Variants in ADGRL2 observed in about 807,000 individuals in gnomAD.
The protein encoded by ADGRL2 is calcium-independent alpha-latrotoxin receptor 2.
In ADGRL2, 44 loss-of-function variants were observed where a neutral mutation model predicts 157.4. The ratio of observed to expected loss-of-function variants is 0.28; its 90% CI spans 0.22 to 0.36. The LOEUF (loss-of-function observed/expected upper bound fraction) is 0.36. Among genes scored for constraint, ADGRL2 ranks in the 10% least tolerant of loss-of-function variants. The pLI, the probability that ADGRL2 is intolerant of heterozygous loss-of-function variation, is 1.00. For synonymous variants in ADGRL2, 585 were observed against 624.7 expected (o/e 0.94, Z 0.95); for missense variants, 1,510 against 1,768.9 (o/e 0.85, Z 2.63).
chr1:81,875,259 A>C (rs965711762), intron 2 of ADGRL2, among the ~76,000 whole-genome samples: 9 of 152,154 alleles, frequency 5.9e-5, no homozygotes, highest in African/African-American at 2.2e-4. Context: ...CAGAGTGAAC[A>C]ACTGCTGGCC....
intron 1 of ADGRL2, among the ~76,000 whole-genome samples, chr1:81,367,323 AG>A (rs1463156300): frequency 2.6e-5 from 4 of 152,190 alleles, no homozygotes; most frequent in African/African-American, 4.8e-5. Context: ...CCCATCACCC[AG>A]GTATTAAGCC....
At chr1:81,950,566 A>T in intron 7 of ADGRL2, 84 bp downstream of exon 7, 4 of 1,299,564 alleles carry the variant, frequency 3.1e-6, no homozygotes, top group Non-Finnish European at 4.3e-6. Context: ...TATTCAAAGA[A>T]AGCGATGTTT....
At chr1:81,551,838 T>A (rs2080153936) in intron 2 of ADGRL2, among the ~76,000 whole-genome samples, 1 of 152,222 alleles carries the variant, frequency 6.6e-6, no homozygotes, top group Non-Finnish European at 1.5e-5. Flanking sequence ...CTGTAAGTTG[T>A]TCTTTTAAGA....
chr1:81,876,697 G>C (rs1571857879), intron 2 of ADGRL2, among the ~76,000 whole-genome samples: 1 of 152,138 alleles, frequency 6.6e-6, no homozygotes, highest in East Asian at 1.9e-4. Context: ...CAGATGCACA[G>C]TAGTTCAAGA....
intron 1 of ADGRL2, among the ~76,000 whole-genome samples, chr1:81,375,035 G>A (rs1391525532): frequency 6.6e-6 from 1 of 152,306 alleles, no homozygotes; most frequent in African/African-American, 2.4e-5. Flanking sequence ...GGGCTTCCAT[G>A]AGAGGCAGTT....
At chr1:81,652,017 T>C (rs985959480) in intron 3 of ADGRL2, among the ~76,000 whole-genome samples, 30 of 152,224 alleles carry the variant, frequency 2.0e-4, no homozygotes, top group African/African-American at 6.7e-4. Context: ...CCAGCTGAGA[T>C]TTTCATCTCA....
chr1:81,663,460 G>C (rs1403379371), intron 3 of ADGRL2, among the ~76,000 whole-genome samples: 1 of 152,144 alleles, frequency 6.6e-6, no homozygotes, highest in African/African-American at 2.4e-5. Flanking sequence ...GGGAATGCTT[G>C]TGCTAGTTTT....
At chr1:81,839,635 G>C (rs1041135609) in intron 2 of ADGRL2, among the ~76,000 whole-genome samples, 2 of 151,428 alleles carry the variant, frequency 1.3e-5, no homozygotes, top group South Asian at 4.2e-4. Context: ...GGGATGTTTG[G>C]TTTTCTCTTC....
intron 1 of ADGRL2, among the ~76,000 whole-genome samples, chr1:81,740,984 T>G (rs1396322579): frequency 6.6e-6 from 1 of 151,950 alleles, no homozygotes; most frequent in Admixed American, 6.6e-5. Flanking sequence ...GGAAGGAAAT[T>G]ATTTTTTCTC....
intron 3 of ADGRL2, among the ~76,000 whole-genome samples, chr1:81,637,254 G>A (rs1312839652): frequency 6.6e-6 from 1 of 152,288 alleles, no homozygotes; most frequent in East Asian, 1.9e-4. Flanking sequence ...TTTCATAGGA[G>A]CTTGTATACC....
In ADGRL2 at chr1:81,955,978, C is replaced by A. The variant is rs201109353; in HGVS notation, c.1935C>A (p.Leu645=). 6.2e-7 allele frequency: 1 copy of A among 1,609,688 alleles called. No individual in the cohort carries two copies. The highest frequency in any genetic ancestry group is 1.7e-5 in the Admixed American group (1 of 59,522). Residue 645 remains leucine (L), a synonymous_variant, in exon 11 of 24, where the codon CTC becomes CTA. Transcript: ENST00000686636. ...SEQAHTATML[L]DTLEEGAFVL... ...AAGCACATACTGCAACAATGTTACT[C>A]GATACATTGGAAGAAGGAGCTTTTG...
At chr1:81,647,759 A>G (rs1358309258) in intron 3 of ADGRL2, among the ~76,000 whole-genome samples, 1 of 152,208 alleles carries the variant, frequency 6.6e-6, no homozygotes, top group East Asian at 1.9e-4. Flanking sequence ...CAGAATTTTG[A>G]CTTACAAAAT....
chr1:81,632,631 C>T (rs950975939), intron 3 of ADGRL2, among the ~76,000 whole-genome samples: 2 of 151,936 alleles, frequency 1.3e-5, no homozygotes, highest in Non-Finnish European at 2.9e-5. Context: ...TGGTGGCAGG[C>T]GCCTGTAGTC....
intron 2 of ADGRL2, among the ~76,000 whole-genome samples, chr1:81,516,155 T>A (rs975632778): frequency 2.0e-5 from 3 of 152,246 alleles, no homozygotes; most frequent in African/African-American, 7.2e-5. Flanking sequence ...TTAGAATAAA[T>A]GCCCATAAGT....
intron 2 of ADGRL2, among the ~76,000 whole-genome samples, chr1:81,789,752 A>T (rs1387938039): frequency 6.6e-6 from 1 of 151,938 alleles, no homozygotes; most frequent in Non-Finnish European, 1.5e-5. Context: ...AAACAAAAAG[A>T]AACAGCATTT....
At chr1:81,982,487 A>C (rs1361420623) in intron 19 of ADGRL2, among the ~76,000 whole-genome samples, 1 of 151,990 alleles carries the variant, frequency 6.6e-6, no homozygotes, top group African/African-American at 2.4e-5. Flanking sequence ...AAGTGGAGTC[A>C]GATGAAACTT....
At chr1:81,880,700 G>T (rs541460876) in intron 2 of ADGRL2, among the ~76,000 whole-genome samples, 2 of 145,196 alleles carry the variant, frequency 1.4e-5, no homozygotes, top group Admixed American at 1.4e-4. Context: ...GTGCACACGC[G>T]GGCCCTTAGT....
At chr1:81,338,075 A>G (rs1661781905) in intron 1 of ADGRL2, among the ~76,000 whole-genome samples, 1 of 152,056 alleles carries the variant, frequency 6.6e-6, no homozygotes, top group Non-Finnish European at 1.5e-5. Context: ...AATTCAGACT[A>G]CTCTTGGCCC....
intron 1 of ADGRL2, among the ~76,000 whole-genome samples, chr1:81,751,261 G>A (rs1019144179): frequency 5.3e-5 from 8 of 151,794 alleles, no homozygotes; most frequent in South Asian, 4.2e-4. Context: ...TAAATAGAAA[G>A]TTACTCTACT....
Sources: gnomAD v4.1 joint callset for allele counts (sites outside exome capture counted in the v4.1 genomes callset) on GRCh38, gnomAD v4.1.1 for gene constraint, MANE v1.5 for transcripts, NCBI Gene and HGNC (gene_info 2026-07-23, HGNC 2026-07-21) for gene names.